The following ZNF716 variants were observed in gnomAD, a reference collection of about 807,000 sequenced individuals.
ZNF716 encodes zinc finger protein 716.
In ZNF716, 9 loss-of-function variants were observed where a neutral mutation model predicts 13.4. The ratio of observed to expected loss-of-function variants is 0.67; its 90% confidence interval spans 0.41 to 1.18. The LOEUF (loss-of-function observed/expected upper bound fraction) is 1.18, where lower values mean the gene tolerates loss of function less well. Among genes scored for constraint, ZNF716 ranks in the 50% most tolerant of loss-of-function variants. ZNF716 has a pLI of 0.01. For missense variants in ZNF716, 581 were observed against 576.6 expected, an observed-to-expected ratio of 1.01 and a Z score of -0.08; for synonymous variants, 186 against 195.2, an observed-to-expected ratio of 0.95 and a Z score of 0.39.
intron 1 of ZNF716, among the ~76,000 whole-genome samples, chr7:57,458,647 T>C (rs1302717005): frequency 6.6e-6 from 1 of 152,174 alleles, no homozygotes; most frequent in African/African-American, 2.4e-5. Context: ...GGCCTGGAAC[T>C]CCTGACCTTG....
rs544764056 is a variant in ZNF716 at position 57,463,180 on chromosome 7, C to T, written c.262+12C>T. On this transcript the variant is annotated intron_variant, in intron 3 of 3. Coordinates refer to ENST00000420713, the MANE Select transcript of ZNF716 (RefSeq NM_001159279.1). The stretch of plus-strand genomic sequence containing the variant: ...AGCCAAACACCCAGGTAGGTGAGAG[C>T]GAATGAAGCAGATGACACAGATGAG... 38 of 1,605,304 alleles carry T rather than the reference C, an allele frequency of 2.4e-5. No homozygotes were observed. Among genetic ancestry groups the T allele is most frequent in the Admixed American group, 8.4e-5 (5 of 59,746 alleles).
rs1562679860 is a variant in ZNF716, at chr7:57,469,351, CAT to C, written c.891_892del (p.Cys298Ter). The C allele has an allele frequency of 1.2e-6, 2 of 1,611,782 alleles. No homozygotes were observed. Among genetic ancestry groups the C allele is most frequent in the Admixed American group, 1.7e-5 (1 of 59,740 alleles). On this transcript the variant is annotated frameshift_variant, in exon 4 of 4. Transcript: ENST00000420713. LOFTEE classifies it low-confidence loss of function (END_TRUNC). ...ATTCATACTGGAGAGAAACCCTACA[CAT>C]GTGAAGAATGTGGCAAAGCCTTTAG...
At chr7:57,459,002 CA>C (rs1789655478) in intron 1 of ZNF716, among the ~76,000 whole-genome samples, 1 of 151,970 alleles carries the variant, frequency 6.6e-6, no homozygotes, top group African/African-American at 2.4e-5. Context: ...TAATTAGTTT[CA>C]AAATTTTTTT....
At position 57,471,841 on chromosome 7, in the gene ZNF716, A is replaced by G. The variant is rs551393431; in HGVS notation, c.*1892A>G. The G allele has an allele frequency of 1.3e-5, 2 of 152,278 alleles. No individual in the cohort carries two copies. Among genetic ancestry groups the G allele is most frequent in the African/African-American group, 2.4e-5 (1 of 41,556 alleles). 9.4% of individuals were successfully genotyped at this position (152,278 alleles called of 1,614,324 possible). ...AACTTCAGACATTACACTAAATCAG[A>G]GTGTTGAGTGTAAAAAAGATATAAA... On this transcript the variant is annotated 3_prime_UTR_variant, in exon 4 of 4. Coordinates refer to ENST00000420713, the MANE Select transcript of ZNF716 (RefSeq NM_001159279.1).
At position 57,471,766 on chromosome 7, in the gene ZNF716, A is replaced by G. The variant is rs1283336193; in HGVS notation, c.*1817A>G. Reference sequence around the variant, plus strand: ...GGAAAATATGTTTAATCAAAAATTAAGTCTACATAAACATTTGAGGATTCA... The same window carrying G: ...GGAAAATATGTTTAATCAAAAATTAGGTCTACATAAACATTTGAGGATTCA... On this transcript the variant is annotated 3_prime_UTR_variant, in exon 4 of 4. Coordinates refer to ENST00000420713, the MANE Select transcript of ZNF716 (RefSeq NM_001159279.1). 4 of 152,200 alleles carry G rather than the reference A, an allele frequency of 2.6e-5. No individual in the cohort carries two copies. Among genetic ancestry groups the G allele is most frequent in the African/African-American group, 9.6e-5 (4 of 41,462 alleles). 9.4% of individuals were successfully genotyped at this position (152,200 alleles called of 1,614,324 possible). A position where few individuals can be genotyped will look rare whatever the true frequency, so the allele number is the denominator to read the frequency against.
intron 1 of ZNF716, among the ~76,000 whole-genome samples, chr7:57,452,335 A>T (rs1554321677): frequency 6.6e-6 from 1 of 151,976 alleles, no homozygotes. Flanking sequence ...TAAATATTTC[A>T]CATAAGAAGA....
intron 1 of ZNF716, among the ~76,000 whole-genome samples, chr7:57,460,195 G>T (rs1789681934): frequency 6.6e-6 from 1 of 152,010 alleles, no homozygotes; most frequent in Admixed American, 6.6e-5. Flanking sequence ...AGACGAGCCT[G>T]ACCAGCCTGA....
At chr7:57,463,212 A>C (rs781929680) in intron 3 of ZNF716, 44 bp downstream of exon 3, 5 of 1,599,058 alleles carry the variant, frequency 3.1e-6, no homozygotes, top group Non-Finnish European at 4.2e-6. Flanking sequence ...TGAGAGTTAC[A>C]AAAGTCAAGG....
rs560403880 is a variant in ZNF716, at chr7:57,450,181, T to C, written c.-108T>C. 42 of 1,533,520 alleles carry C rather than the reference T, an allele frequency of 2.7e-5. No individual in the cohort carries two copies. In the African/African-American group the frequency reaches 5.0e-4, roughly 18 times the overall value. 95.0% of individuals were successfully genotyped at this position (1,533,520 alleles called of 1,614,324 possible). ...GCTTCCGTAAGGTTACGGGTTCTTT[T>C]TGCTTCTCTGCGCCCAGAGCTCCAG... On this transcript the variant is annotated 5_prime_UTR_variant, in exon 1 of 4. Transcript: ENST00000420713.
chr7:57,467,800 A>G (rs1789842039), intron 3 of ZNF716, among the ~76,000 whole-genome samples: 1 of 151,258 alleles, frequency 6.6e-6, no homozygotes, highest in Non-Finnish European at 1.5e-5. Flanking sequence ...GCTTTTGTTG[A>G]TATTCTTATT....
chr7:57,468,605 G>A (rs11135654), intron 3 of ZNF716, 119 bp from the exon 4 acceptor site: 260,828 of 986,592 alleles, frequency 0.26, 35,110 homozygotes, highest in South Asian at 0.3. Context: ...ATTACGGCTT[G>A]TGGTATTTTG....
chr7:57,453,302 C>T (rs1789529250), intron 1 of ZNF716, among the ~76,000 whole-genome samples: 2 of 152,116 alleles, frequency 1.3e-5, no homozygotes, highest in Admixed American at 6.6e-5. Context: ...GAGCAGGATG[C>T]GCATGGGAGA....
rs1227320072 is a variant in ZNF716 at position 57,472,977 on chromosome 7, T to C, written c.*3028T>C. ...ATTCATCACCTTGAGCATGTATTTA[T>C]CCTTTGTATTACAAACAATCCCATT... On this transcript the variant is annotated 3_prime_UTR_variant, in exon 4 of 4. Coordinates refer to ENST00000420713, the MANE Select transcript of ZNF716 (RefSeq NM_001159279.1). 6.6e-6 allele frequency: 1 copy of C among 152,188 alleles called. No individual in the cohort carries two copies. The highest frequency in any genetic ancestry group is 1.5e-5 in the Non-Finnish European group (1 of 68,040). The allele number at this position is 152,188 out of a possible 1,614,324, so 9.4% of individuals were successfully genotyped here.
intron 3 of ZNF716, among the ~76,000 whole-genome samples, chr7:57,468,263 A>G (rs1178866382): frequency 6.6e-6 from 1 of 152,202 alleles, no homozygotes; most frequent in Non-Finnish European, 1.5e-5. Flanking sequence ...TTTGATTTCA[A>G]AAGACTTAAA....
chr7:57,462,398 A>G (rs782648301), intron 1 of ZNF716, 62 bp from the exon 2 acceptor site: 17 of 1,571,014 alleles, frequency 1.1e-5, no homozygotes, highest in Non-Finnish European at 1.4e-5. Flanking sequence ...TGCCTATGGC[A>G]ACATGGTAAC....
chr7:57,451,284 G>A (rs1789488088), intron 1 of ZNF716, among the ~76,000 whole-genome samples: 1 of 151,818 alleles, frequency 6.6e-6, no homozygotes, highest in South Asian at 2.1e-4. Flanking sequence ...GAAAGTGCTG[G>A]GATTACAGTC....
At chr7:57,464,692 T>C (rs1461579520) in intron 3 of ZNF716, among the ~76,000 whole-genome samples, 12 of 148,170 alleles carry the variant, frequency 8.1e-5, no homozygotes, top group Admixed American at 1.4e-4. Flanking sequence ...TCCACTATAT[T>C]TTTTTTCTAA....
rs1583725329 is a variant in ZNF716, at chr7:57,469,908, A to G, written c.1447A>G (p.Lys483Glu). 6.3e-7 allele frequency: 1 copy of G among 1,581,634 alleles called. No homozygotes were observed. Among genetic ancestry groups the G allele is most frequent in the East Asian group, 2.3e-5 (1 of 43,154 alleles). Residue 483 changes from lysine to glutamate, a missense_variant, in exon 4 of 4, where the codon AAG becomes GAG. Transcript: ENST00000420713. Reference protein sequence around the residue: ...FKWHSSLANHKNMHTGEKPYK... With the variant: ...FKWHSSLANHENMHTGEKPYK... ...GTGGCATTCAAGTCTTGCTAATCAT[A>G]AGAATATGCATACTGGAGAGAAACC...
At position 57,471,675 on chromosome 7, in the gene ZNF716, C is replaced by T. The variant is rs1789940992; in HGVS notation, c.*1726C>T. The T allele has an allele frequency of 6.6e-6, 1 of 151,984 alleles. No individual in the cohort carries two copies. The highest frequency in any genetic ancestry group is 2.4e-5 in the African/African-American group (1 of 41,380). 9.4% of individuals were successfully genotyped at this position (151,984 alleles called of 1,614,324 possible). A position where few individuals can be genotyped will look rare whatever the true frequency, so the allele number is the denominator to read the frequency against. On this transcript the variant is annotated 3_prime_UTR_variant, in exon 4 of 4. Transcript: ENST00000420713. ...AAATGAATGTCAAAAAATATTTGTT[C>T]AAAAACTACAGTTTAGAAAACACTA...
Sources: allele counts gnomAD v4.1 joint callset (sites outside exome capture counted in the v4.1 genomes callset), GRCh38; gene constraint gnomAD v4.1.1; transcripts MANE v1.5; gene names NCBI Gene and HGNC (gene_info 2026-07-23, HGNC 2026-07-21).